BAG6: variants seen among roughly 807,000 people sequenced by gnomAD.
The protein encoded by BAG6 is large proline-rich protein BAG6.
Under a neutral mutation model 121.0 loss-of-function variants are expected in BAG6, and 22 were observed. The ratio of observed to expected loss-of-function variants is 0.18; its 90% CI spans 0.13 to 0.26. BAG6 has a LOEUF of 0.26. Ranked by LOEUF, BAG6 falls within the 10% of genes least tolerant of loss-of-function variation. The pLI is 1.00. For missense variants in BAG6, 1,233 were observed against 1,537.7 expected, an observed-to-expected ratio of 0.80 and a Z score of 3.31; for synonymous variants, 583 against 584.6, an observed-to-expected ratio of 1.00 and a Z score of 0.04.
intron 2 of BAG6, among the ~76,000 whole-genome samples, chr6:31,650,999 C>G (rs1352641870): frequency 6.6e-6 from 1 of 152,204 alleles, no homozygotes; most frequent in Non-Finnish European, 1.5e-5. Flanking sequence ...CAGCATAGAC[C>G]TGACCAATGT....
chr6:31,640,746 C>T lies in BAG6; in HGVS notation c.2935-42G>A, dbSNP rs373154403. 1.2e-5 allele frequency: 20 copies of T among 1,612,950 alleles called. No individual in the cohort carries two copies. The highest frequency in any genetic ancestry group is 1.6e-5 in the Non-Finnish European group (19 of 1,180,030). On this transcript the variant is annotated intron_variant, in intron 21 of 25. Coordinates refer to ENST00000676615, the MANE Select transcript of BAG6 (RefSeq NM_001387994.1). The surrounding 1 kb of genome is among the most constrained non-coding windows in gnomAD (Gnocchi z 4.2). ...CACCATACTTCCTCTCAGATCTCTC[C>T]AGTTCTCTCAAGTACCCTGACCCCA...
intron 6 of BAG6, among the ~76,000 whole-genome samples, 153 bp downstream of exon 6, chr6:31,648,524 T>C (rs1792713423): frequency 6.6e-6 from 1 of 152,110 alleles, no homozygotes; most frequent in African/African-American, 2.4e-5. Flanking sequence ...CTCACAAAGA[T>C]ACTTTTTCTG....
At chr6:31,646,564 C>T in intron 7 of BAG6, 41 bp from the exon 8 acceptor site, 5 of 1,603,542 alleles carry the variant, frequency 3.1e-6, no homozygotes, top group Admixed American at 1.7e-5. Context: ...AAGCCTTCCT[C>T]AGATTCCCAC....
chr6:31,646,651 C>T (rs1439464485), intron 7 of BAG6, 128 bp from the exon 8 acceptor site: 2 of 1,207,264 alleles, frequency 1.7e-6, no homozygotes, highest in African/African-American at 1.6e-5. Flanking sequence ...CTTCTCTGGA[C>T]CAGCAGAGCT....
intron 9 of BAG6, 71 bp downstream of exon 9, chr6:31,645,336 C>G: frequency 6.2e-7 from 1 of 1,610,824 alleles, no homozygotes; most frequent in South Asian, 1.1e-5. Context: ...CTCCTTCAGG[C>G]CCAGTAGCTA....
chr6:31,643,590 G>A (rs1272781769), intron 14 of BAG6, among the ~76,000 whole-genome samples: 2 of 151,600 alleles, frequency 1.3e-5, no homozygotes, highest in Non-Finnish European at 2.9e-5. Flanking sequence ...TGGGCGTGGT[G>A]GCGTGCACCT....
Position 31,641,191 on chromosome 6 carries a change from G to A in BAG6, c.2700C>T (p.Asn900=). The change falls in exon 20 of 26, where the codon AAC becomes AAT. Residue 900 remains asparagine (N), a synonymous_variant. Transcript: ENST00000676615. This position sits in a 1 kb window ranked among gnomAD's most constrained non-coding sequence, Gnocchi z 5.7. The stretch of plus-strand genomic sequence containing the variant: ...GGGCCAGGCATTCAAACAGGCCTTG[G>A]TTACACAACTCCAGCAACCGGGCCC... ...GFGARLLELC[N]QGLFECLALN... 2 of 1,613,934 alleles carry A rather than the reference G, an allele frequency of 1.2e-6. No homozygotes were observed. Among genetic ancestry groups the A allele is most frequent in the Non-Finnish European group, 1.7e-6 (2 of 1,180,022 alleles).
intron 1 of BAG6, 36 bp from the exon 2 acceptor site, chr6:31,651,812 C>A (rs1797110186): frequency 1.3e-6 from 2 of 1,540,056 alleles, no homozygotes; most frequent in African/African-American, 1.4e-5. Context: ...CCCGCTGTTG[C>A]CCAGACCAGA....
chr6:31,652,202 C>G (rs1190167008), intron 1 of BAG6: 1 of 183,346 alleles, frequency 5.5e-6, no homozygotes, highest in African/African-American at 2.3e-5. Flanking sequence ...ATCGAACCCT[C>G]CTAACTCACT....
chr6:31,645,387 C>G lies in BAG6; in HGVS notation c.1116+20G>C. On this transcript the variant is annotated intron_variant, in intron 9 of 25. Transcript: ENST00000676615. ...TCAACACCCCTCACTCTCCCTCAGG[C>G]CAGACTCCCCCTAACCCACCTGTAT... The G allele has an allele frequency of 6.2e-7, 1 of 1,613,078 alleles. No homozygotes were observed. Among genetic ancestry groups the G allele is most frequent in the Non-Finnish European group, 8.5e-7 (1 of 1,180,032 alleles).
chr6:31,643,235 C>T, intron 14 of BAG6, 120 bp from the exon 15 acceptor site: 1 of 951,348 alleles, frequency 1.1e-6, no homozygotes, highest in Non-Finnish European at 1.5e-6. Flanking sequence ...GGCCACATAG[C>T]AAGACCCCAT....
intron 2 of BAG6, among the ~76,000 whole-genome samples, chr6:31,650,803 G>C (rs959305851): frequency 1.3e-5 from 2 of 151,872 alleles, no homozygotes; most frequent in African/African-American, 4.8e-5. Context: ...TCACATTTTA[G>C]AAAACCATGG....
At position 31,647,681 on chromosome 6, in the gene BAG6, A is replaced by C; in HGVS notation, c.698T>G (p.Val233Gly). ...GTTCTGGGCTGGGGCACGCTCCTCC[A>C]CTTCTTCTGCCTCCATGGGCTCCCG... Reference protein sequence around the residue: ...PPREPMEAEEVEERAPAQNPE... With the variant: ...PPREPMEAEEGEERAPAQNPE... Residue 233 changes from valine (V) to glycine (G), a missense_variant, in exon 7 of 26, where the codon GTG (valine) becomes GGG (glycine). Physicochemically the swap from Val to Gly is moderately radical, Grantham distance 109. Transcript: ENST00000676615. 1.9e-6 allele frequency: 3 copies of C among 1,604,472 alleles called. No homozygotes were observed. Among genetic ancestry groups the C allele is most frequent in the Non-Finnish European group, 2.5e-6 (3 of 1,176,778 alleles).
chr6:31,645,313 C>T, intron 9 of BAG6, 94 bp downstream of exon 9: 1 of 1,607,790 alleles, frequency 6.2e-7, no homozygotes, highest in East Asian at 2.2e-5. Flanking sequence ...TTCCAGTCTC[C>T]TCCTTTCCTA....
Position 31,642,985 on chromosome 6 carries a change from T to A in BAG6, c.1887A>T (p.Gln629His). 6.3e-7 allele frequency: 1 copy of A among 1,597,556 alleles called. No individual in the cohort carries two copies. Among genetic ancestry groups the A allele is most frequent in the Non-Finnish European group, 8.5e-7 (1 of 1,173,052 alleles). The change falls in exon 15 of 26, where the codon CAA (glutamine) becomes CAT (histidine). Residue 629 changes from glutamine to histidine, a missense_variant. Physicochemically the swap from Gln to His is conservative, Grantham distance 24 (BLOSUM62 0). Around this residue, in one of 7 missense-constraint regions of BAG6, gnomAD observed 777 missense variants for 861.4 expected, o/e 0.90. Transcript: ENST00000676615. ...AGAACTGAAGATCAGCCATGGAGGG[T>A]TGAGGGGTGGGTGGAGGCTGGGCAG... ...GGPAQPPPTP[Q>H]PSMADLQFSQ...
Position 31,641,127 on chromosome 6 carries a change from C to T in BAG6, c.2764G>A (p.Ala922Thr), listed in dbSNP as rs746262599. The T allele has an allele frequency of 1.9e-6, 3 of 1,613,110 alleles. No individual in the cohort carries two copies. In the South Asian group the frequency reaches 3.3e-5, roughly 18 times the overall value. The change falls in exon 20 of 26, where the codon GCT (alanine) becomes ACT (threonine). Residue 922 changes from alanine to threonine, a missense_variant. Ala to Thr is a moderately conservative substitution (Grantham distance 58). Around this residue, in one of 7 missense-constraint regions of BAG6, gnomAD observed 288 missense variants for 483.1 expected, o/e 0.60. Coordinates refer to ENST00000676615, the MANE Select transcript of BAG6 (RefSeq NM_001387994.1). This position sits in a 1 kb window ranked among gnomAD's most constrained non-coding sequence, Gnocchi z 5.7. ...HCLGGQQMEL[A>T]AVINGRIRRM... ...ACAATTCGGCCATTGATAACAGCAG[C>T]AAGCTCCATCTGCTGTCCCCCCAAG...
Position 31,641,151 on chromosome 6 carries a change from A to G in BAG6, c.2740T>C (p.Leu914=). Residue 914 remains leucine, a synonymous_variant, in exon 20 of 26, where the codon TTG becomes CTG. Coordinates refer to ENST00000676615, the MANE Select transcript of BAG6 (RefSeq NM_001387994.1). The surrounding 1 kb of genome is among the most constrained non-coding windows in gnomAD (Gnocchi z 5.7). The part of the protein sequence containing the change: ...FECLALNLHC[L]GGQQMELAAV... ...GCAAGCTCCATCTGCTGTCCCCCCA[A>G]GCAGTGCAGGTTTAGGGCCAGGCAT... 1 of 1,613,438 alleles carries G rather than the reference A, an allele frequency of 6.2e-7. No homozygotes were observed. Among genetic ancestry groups the G allele is most frequent in the Non-Finnish European group, 8.5e-7 (1 of 1,180,002 alleles).
Position 31,648,917 on chromosome 6 carries a change from CG to C in BAG6, c.470del (p.Pro157ArgfsTer11). On this transcript the variant is annotated frameshift_variant, in exon 5 of 26. Transcript: ENST00000676615. LOFTEE classifies it high-confidence loss of function. ...VDVHINMEQA[P>X]IQSEPRVRLV... is the part of the protein sequence containing the mutation. ...CTCGGAGGCCCCTCAATACCTGAAT[CG>C]GGGCCTGTTCCATGTTGATGTGAAC... 1 of 1,536,964 alleles carries C rather than the reference CG, an allele frequency of 6.5e-7. No homozygotes were observed.
chr6:31,639,479 T>C, intron 25 of BAG6, 21 bp downstream of exon 25: 1 of 1,610,426 alleles, frequency 6.2e-7, no homozygotes, highest in Non-Finnish European at 8.5e-7. Flanking sequence ...AGACCATCCC[T>C]ATTCTGCTTC....
Sources: allele counts gnomAD v4.1 joint callset (sites outside exome capture counted in the v4.1 genomes callset), GRCh38; gene constraint gnomAD v4.1.1; regional missense constraint gnomAD v4.1.1; non-coding constraint Gnocchi (gnomAD v3.1); transcripts MANE v1.5; gene names NCBI Gene and HGNC (gene_info 2026-07-23, HGNC 2026-07-21).